PMPCB: variants seen among roughly 807,000 people sequenced by gnomAD.
PMPCB encodes peptidase, mitochondrial processing subunit beta.
A neutral mutation model predicts 61.5 loss-of-function variants in PMPCB; 46 were observed. The observed-to-expected ratio is 0.75, with a 90% CI of 0.59 to 0.96. The LOEUF is 0.96. Among genes scored for constraint, PMPCB ranks in the 40% least tolerant of loss-of-function variants. The pLI is 0.00. For synonymous variants in PMPCB, 191 were observed against 201.6 expected, an observed-to-expected ratio of 0.95 and a Z score of 0.44; for missense variants, 590 against 602.4, an observed-to-expected ratio of 0.98 and a Z score of 0.22.
intron 12 of PMPCB, among the ~76,000 whole-genome samples, chr7:103,321,389 G>A (rs1478410350): frequency 2.0e-5 from 3 of 147,150 alleles, no homozygotes. Context: ...GTGGTGGCAG[G>A]CACCTGTAAT....
chr7:103,322,652 A>C (rs1246649099), intron 12 of PMPCB: 2 of 1,612,988 alleles, frequency 1.2e-6, no homozygotes, highest in Non-Finnish European at 1.7e-6. Context: ...GAAAAAGTTA[A>C]TCTCATTTTG....
Position 103,304,479 on chromosome 7 carries a change from C to T in PMPCB, c.725C>T (p.Ala242Val). The T allele has an allele frequency of 6.2e-7, 1 of 1,600,242 alleles. No individual in the cohort carries two copies. The highest frequency in any genetic ancestry group is 1.1e-5 in the South Asian group (1 of 90,794). Residue 242 changes from alanine to valine, a missense_variant, in exon 6 of 13, where the codon GCT becomes GTT. Physicochemically the swap from Ala to Val is moderately conservative, Grantham distance 64. Transcript: ENST00000249269. ...TATAAGGGGCCAAGAATAGTGCTTG[C>T]TGCTGCTGGAGGTTAGTCAATTTAA... The part of the protein sequence containing the change: ...THYKGPRIVL[A>V]AAGGVSHDEL...
At chr7:103,321,520 A>G (rs889772244) in intron 12 of PMPCB, among the ~76,000 whole-genome samples, 2 of 151,652 alleles carry the variant, frequency 1.3e-5, no homozygotes, top group African/African-American at 2.4e-5. Context: ...TCCATCTCAA[A>G]TAAATAAATA....
downstream of PMPCB, among the ~76,000 whole-genome samples, chr7:103,330,285 T>C (rs1818911589): frequency 6.6e-6 from 1 of 151,036 alleles, no homozygotes; most frequent in South Asian, 2.1e-4. Context: ...ATTGCATTTG[T>C]TATTTTATTT....
the PMPCB span, among the ~76,000 whole-genome samples, chr7:103,344,000 C>T: frequency 2.0e-5 from 3 of 152,242 alleles, no homozygotes; most frequent in Admixed American, 1.3e-4. Flanking sequence ...AAACTAAAAC[C>T]TACAGCAGCA....
At chr7:103,303,209 C>A (rs925300584) in intron 4 of PMPCB, among the ~76,000 whole-genome samples, 2 of 152,190 alleles carry the variant, frequency 1.3e-5, no homozygotes, top group African/African-American at 2.4e-5. Flanking sequence ...CTTTGCCTCC[C>A]GAGCTCCACC....
At chr7:103,326,516 A>T (rs1213359668) in intron 12 of PMPCB, 14 of 1,612,586 alleles carry the variant, frequency 8.7e-6, no homozygotes, top group Non-Finnish European at 5.1e-6. Context: ...ACAGGGCACT[A>T]TGATCAAAAG....
intron 1 of PMPCB, chr7:103,297,980 T>G: frequency 8.6e-7 from 1 of 1,168,524 alleles, no homozygotes; most frequent in East Asian, 6.5e-5. Context: ...ATTTGCATTT[T>G]TCTCATGAGA....
In PMPCB at chr7:103,309,111, A is replaced by G. The variant is rs1404321569; in HGVS notation, c.993+16A>G. 6.3e-7 allele frequency: 1 copy of G among 1,578,314 alleles called. No homozygotes were observed. The highest frequency in any genetic ancestry group is 1.2e-5 in the South Asian group (1 of 85,488). ...GGGAGGAATGGTAAGTGATTTTAAA[A>G]GAAATTTTCCATAACAGATGGAAGA... On this transcript the variant is annotated intron_variant, in intron 8 of 12. Coordinates refer to ENST00000249269, the MANE Select transcript of PMPCB (RefSeq NM_004279.3).
intron 9 of PMPCB, chr7:103,311,118 A>G (rs1296462257): frequency 6.6e-6 from 1 of 152,668 alleles, no homozygotes; most frequent in Non-Finnish European, 1.5e-5. Context: ...TGAAGTTGCC[A>G]CTGCTAAAAG....
chr7:103,305,536 G>A (rs1425400441), intron 6 of PMPCB, among the ~76,000 whole-genome samples: 1 of 152,012 alleles, frequency 6.6e-6, no homozygotes, highest in African/African-American at 2.4e-5. Flanking sequence ...GGGGATTACA[G>A]GCGTGACCCA....
chr7:103,307,297 ATAATT>A (rs934800137), intron 6 of PMPCB, among the ~76,000 whole-genome samples: 2 of 152,120 alleles, frequency 1.3e-5, no homozygotes, highest in African/African-American at 2.4e-5. Context: ...AGAGGTTTTT[ATAATT>A]TAATAGAAAA....
the PMPCB span, among the ~76,000 whole-genome samples, chr7:103,346,750 A>G: frequency 3.3e-5 from 5 of 152,102 alleles, no homozygotes; most frequent in African/African-American, 7.2e-5. Flanking sequence ...TTCACTTAGC[A>G]TAATGTCTTC....
chr7:103,339,192 G>A, the PMPCB span, among the ~76,000 whole-genome samples: 5 of 152,316 alleles, frequency 3.3e-5, no homozygotes, highest in African/African-American at 1.2e-4. Context: ...TGGAATATAA[G>A]CTGTGTGTAA....
the PMPCB span, among the ~76,000 whole-genome samples, chr7:103,341,044 G>C: frequency 2.0e-5 from 3 of 152,164 alleles, no homozygotes; most frequent in African/African-American, 7.2e-5. Context: ...GTGCCACACA[G>C]CCAGGGTCAC....
the PMPCB span, among the ~76,000 whole-genome samples, chr7:103,346,430 C>T: frequency 3.3e-5 from 5 of 152,092 alleles, no homozygotes; most frequent in African/African-American, 7.2e-5. Context: ...GGTGCCCGGT[C>T]GGGGGTTTTG....
rs778469917 is a variant in PMPCB at position 103,297,473 on chromosome 7, C to T, written c.14C>T (p.Ala5Val). Residue 5 changes from alanine to valine, a missense_variant, in exon 1 of 13, where the codon GCG (alanine) becomes GTG (valine). By Grantham distance (64) the Ala-to-Val change is moderately conservative. Coordinates refer to ENST00000249269, the MANE Select transcript of PMPCB (RefSeq NM_004279.3). MAAA[A>V]ARVVLSSAAR... ...CTTCTAGCAGAAATGGCGGCTGCGGCGGCTCGAGTGGTGTTGTCATCCGCG... is the reference window on the plus strand; with the variant it reads ...CTTCTAGCAGAAATGGCGGCTGCGGTGGCTCGAGTGGTGTTGTCATCCGCG... 6.5e-7 allele frequency: 1 copy of T among 1,543,346 alleles called. No individual in the cohort carries two copies.
At chr7:103,322,681 G>T (rs1586082444) in intron 12 of PMPCB, 1 of 1,612,014 alleles carries the variant, frequency 6.2e-7, no homozygotes, top group Non-Finnish European at 8.5e-7. Context: ...ACATTTAGGG[G>T]ACTTAAATCA....
At chr7:103,314,693 C>G, downstream of PMPCB, 8 of 972,590 alleles carry the variant, frequency 8.2e-6, no homozygotes, top group Non-Finnish European at 9.8e-6. Flanking sequence ...CTCAGCCAAA[C>G]AAGTCACTGC....
Sources: allele counts gnomAD v4.1 joint callset (sites outside exome capture counted in the v4.1 genomes callset), GRCh38; gene constraint gnomAD v4.1.1; transcripts MANE v1.5; gene names NCBI Gene and HGNC (gene_info 2026-07-23, HGNC 2026-07-21).